Variants in NOTCH4 observed in about 807,000 individuals in gnomAD.
NOTCH4 encodes the protein neurogenic locus notch homolog protein 4.
In NOTCH4, 138 loss-of-function variants were observed where a neutral mutation model predicts 189.0. The observed-to-expected ratio is 0.73, with a 90% CI of 0.64 to 0.84. The LOEUF (loss-of-function observed/expected upper bound fraction) is 0.84. NOTCH4 is among the 40% of genes least tolerant of loss of function. The pLI is 0.00. For missense variants in NOTCH4, 2,286 were observed against 2,605.4 expected (o/e 0.88, Z 2.67); for synonymous variants, 942 against 1,032.8 (o/e 0.91, Z 1.69).
At chr6:32,213,936 C>G in intron 13 of NOTCH4, 96 bp from the exon 14 acceptor site, 1 of 1,500,468 alleles carries the variant, frequency 6.7e-7, no homozygotes, top group East Asian at 2.3e-5. Flanking sequence ...ATCCCCAACC[C>G]TATTATTCTT....
chr6:32,195,930 A>G lies in NOTCH4; in HGVS notation c.5519T>C (p.Phe1840Ser). The stretch of plus-strand genomic sequence containing the variant: ...TACTGACACCGTCCGTGCGCGCGGG[A>G]AGGGCCCAGCCTCGCGGCCCGGCGT... Reference protein sequence around the residue: ...KATPGREAGPFPRARTVSVSV... With the variant: ...KATPGREAGPSPRARTVSVSV... The change falls in exon 30 of 30, where the codon TTC becomes TCC. Residue 1840 changes from phenylalanine (F) to serine (S), a missense_variant. Phe to Ser is a radical substitution (Grantham distance 155). Transcript: ENST00000375023. This position sits in a 1 kb window ranked among gnomAD's most constrained non-coding sequence, Gnocchi z 5.4. The G allele has an allele frequency of 6.3e-7, 1 of 1,588,118 alleles. No homozygotes were observed. Among genetic ancestry groups the G allele is most frequent in the South Asian group, 1.1e-5 (1 of 89,656 alleles).
In NOTCH4 at chr6:32,202,674, G is replaced by C; in HGVS notation, c.3232-75C>G. 2.2e-6 allele frequency: 3 copies of C among 1,374,218 alleles called. No homozygotes were observed. The highest frequency in any genetic ancestry group is 2.7e-5 in the Admixed American group (1 of 36,704). 85.1% of individuals were successfully genotyped at this position (1,374,218 alleles called of 1,614,324 possible). A position where few individuals can be genotyped will look rare whatever the true frequency, so the allele number is the denominator to read the frequency against. On this transcript the variant is annotated intron_variant, in intron 20 of 29. Coordinates refer to ENST00000375023, the MANE Select transcript of NOTCH4 (RefSeq NM_004557.4). This position sits in a 1 kb window ranked among gnomAD's most constrained non-coding sequence, Gnocchi z 5.7. ...CGCTCTCCATCAAGCAAACTCTTGG[G>C]TTAAGACGGTGCAGAGGGTCCTAGA...
chr6:32,217,923 AT>A lies in NOTCH4; in HGVS notation c.1624+71del. 1.0e-6 allele frequency: 1 copy of A among 1,002,296 alleles called. No homozygotes were observed. The highest frequency in any genetic ancestry group is 1.4e-5 in the South Asian group (1 of 73,776). 62.1% of individuals were successfully genotyped at this position (1,002,296 alleles called of 1,614,324 possible). On this transcript the variant is annotated intron_variant, in intron 9 of 29. Coordinates refer to ENST00000375023, the MANE Select transcript of NOTCH4 (RefSeq NM_004557.4). This position sits in a 1 kb window ranked among gnomAD's most constrained non-coding sequence, Gnocchi z 4.2. ...AGAGAGCTTCAAGTGGCCTTGGGTG[AT>A]TGCTGAGCCTGAACTCTGCAGGTTC...
intron 2 of NOTCH4, 77 bp downstream of exon 2, chr6:32,222,928 C>G: frequency 6.5e-7 from 1 of 1,546,064 alleles, no homozygotes; most frequent in South Asian, 1.1e-5. Context: ...CTTCTTTGGT[C>G]TCACTTCCTC....
Position 32,196,125 on chromosome 6 carries a change from G to A in NOTCH4, c.5324C>T (p.Ala1775Val), listed in dbSNP as rs1219557258. 2 of 1,589,214 alleles carry A rather than the reference G, an allele frequency of 1.3e-6. No homozygotes were observed. Among genetic ancestry groups the A allele is most frequent in the Non-Finnish European group, 1.7e-6 (2 of 1,174,806 alleles). The change falls in exon 30 of 30, where the codon GCG (alanine) becomes GTG (valine). Residue 1775 changes from alanine (A) to valine (V), a missense_variant. By Grantham distance (64) the Ala-to-Val change is moderately conservative. This residue lies in a region of NOTCH4 where 383 missense variants were observed against 343.5 expected (regional missense o/e 1.11). Coordinates refer to ENST00000375023, the MANE Select transcript of NOTCH4 (RefSeq NM_004557.4). Reference protein sequence around the residue: ...NREQTPLFLAAREGAVEVAQL... With the variant: ...NREQTPLFLAVREGAVEVAQL... ...GGCTACTTCCACCGCTCCTTCCCGC[G>A]CCGCCAGGAATAGCGGCGTCTGCTC...
rs754054927 is a variant in NOTCH4, at chr6:32,197,070, A to T, written c.5055T>A (p.Leu1685=). 11 of 1,612,344 alleles carry T rather than the reference A, an allele frequency of 6.8e-6. No individual in the cohort carries two copies. Among genetic ancestry groups the T allele is most frequent in the Non-Finnish European group, 9.3e-6 (11 of 1,179,984 alleles). The change falls in exon 28 of 30, where the codon CTT becomes CTA. Residue 1685 remains leucine, a splice_region_variant and synonymous_variant. Coordinates refer to ENST00000375023, the MANE Select transcript of NOTCH4 (RefSeq NM_004557.4). ...VAADAREVCQ[L]LLRSRQTAVD... is the part of the protein sequence containing the mutation. ...CTGCAGTTTGTCTGCTACGGAGCAG[A>T]AGCTGGGGAGACAGAGGGCCAGTGA...
chr6:32,216,794 A>G lies in NOTCH4; in HGVS notation c.1861+151T>C, dbSNP rs929893661. 4.3e-5 allele frequency: 42 copies of G among 979,024 alleles called. No homozygotes were observed. The Admixed American group carries it at 4.7e-4, about 11-fold the overall frequency. 60.6% of individuals were successfully genotyped at this position (979,024 alleles called of 1,614,324 possible). On this transcript the variant is annotated intron_variant, in intron 11 of 29. Transcript: ENST00000375023. ...CTGCCCTTGTCCCCATGGTTGTACA[A>G]TTGTGCAGGTTTTACACTAAATAAC...
At position 32,201,553 on chromosome 6, in the gene NOTCH4, C is replaced by G. The variant is rs566354116; in HGVS notation, c.3756-53G>C. ...GACCTCCCTAAAACCTGACTCTTTTCTTCACCCTAGAAAGAATTCCCCATA... is the reference window on the plus strand; with the variant it reads ...GACCTCCCTAAAACCTGACTCTTTTGTTCACCCTAGAAAGAATTCCCCATA... On this transcript the variant is annotated intron_variant, in intron 21 of 29. Coordinates refer to ENST00000375023, the MANE Select transcript of NOTCH4 (RefSeq NM_004557.4). This position sits in a 1 kb window ranked among gnomAD's most constrained non-coding sequence, Gnocchi z 5.5. 2.8e-6 allele frequency: 4 copies of G among 1,426,054 alleles called. No homozygotes were observed. In the African/African-American group the frequency reaches 4.3e-5, roughly 15 times the overall value. 88.3% of individuals were successfully genotyped at this position (1,426,054 alleles called of 1,614,324 possible).
In NOTCH4 at chr6:32,195,959, T is replaced by C; in HGVS notation, c.5490A>G (p.Lys1830=). The C allele has an allele frequency of 6.3e-7, 1 of 1,595,842 alleles. No homozygotes were observed. Among genetic ancestry groups the C allele is most frequent in the East Asian group, 2.2e-5 (1 of 44,714 alleles). ...GCCCAGCCTCGCGGCCCGGCGTGGC[T>C]TTGTGACGGGCCTCTGGTGGCCCAG... ...EGAGPPEARH[K]ATPGREAGPF... is the part of the protein sequence containing the mutation. The change falls in exon 30 of 30, where the codon AAA becomes AAG. Residue 1830 remains lysine, a synonymous_variant. Coordinates refer to ENST00000375023, the MANE Select transcript of NOTCH4 (RefSeq NM_004557.4). The surrounding 1 kb of genome is among the most constrained non-coding windows in gnomAD (Gnocchi z 5.4).
intron 28 of NOTCH4, 80 bp from the exon 29 acceptor site, chr6:32,196,501 G>C: frequency 6.5e-7 from 1 of 1,547,734 alleles, no homozygotes; most frequent in Admixed American, 1.8e-5. Flanking sequence ...TTCTGGCCTT[G>C]GGGGAAGGGC....
rs755708470 is a variant in NOTCH4, at chr6:32,215,336, C to T, written c.1911G>A (p.Lys637=). The T allele has an allele frequency of 1.0e-4, 163 of 1,610,650 alleles. 1 individual carries two copies. The South Asian group carries it at 1.7e-3, about 17-fold the overall frequency. The change falls in exon 12 of 30, where the codon AAG becomes AAA. Residue 637 remains lysine (K), a synonymous_variant. Coordinates refer to ENST00000375023, the MANE Select transcript of NOTCH4 (RefSeq NM_004557.4). ...TGTCTTTCTGGTCCTTACATATCTG[C>T]TTGGGCTGGCACAGGTTGGGAGCAC... The part of the protein sequence containing the change: ...PLCAPNLCQP[K]QICKDQKDKA...
intron 12 of NOTCH4, among the ~76,000 whole-genome samples, 179 bp downstream of exon 12, chr6:32,215,044 TCTC>T (rs1354139398): frequency 6.6e-6 from 1 of 152,188 alleles, no homozygotes; most frequent in Non-Finnish European, 1.5e-5. Flanking sequence ...TGGACTCTCT[TCTC>T]CTTGGATAAC....
rs1444212911 is a variant in NOTCH4 at position 32,223,031 on chromosome 6, G to A, written c.129C>T (p.Ser43=). The change falls in exon 2 of 30, where the codon AGC becomes AGT. Residue 43 remains serine (S), a synonymous_variant. Coordinates refer to ENST00000375023, the MANE Select transcript of NOTCH4 (RefSeq NM_004557.4). ...EPCANGGTCL[S]LSLGQGTCQC... The stretch of plus-strand genomic sequence containing the variant: ...GGCAGGTCCCTTGTCCCAGAGACAG[G>A]CTCAGGCAGGTGCCTCCATTGGCAC... 3 of 1,613,688 alleles carry A rather than the reference G, an allele frequency of 1.9e-6. No homozygotes were observed. The highest frequency in any genetic ancestry group is 2.5e-6 in the Non-Finnish European group (3 of 1,179,870).
chr6:32,214,351 G>T, intron 12 of NOTCH4, 96 bp from the exon 13 acceptor site: 2 of 1,401,826 alleles, frequency 1.4e-6, no homozygotes, highest in Non-Finnish European at 2.0e-6. Flanking sequence ...TCTTCTTTTG[G>T]CCCTGAGATT....
At chr6:32,205,417 A>G (rs1788609306) in intron 18 of NOTCH4, among the ~76,000 whole-genome samples, 1 of 151,292 alleles carries the variant, frequency 6.6e-6, no homozygotes, top group South Asian at 2.1e-4. Flanking sequence ...GCATGGTGGC[A>G]TGTCCCTGTA....
Position 32,195,257 on chromosome 6 carries a change from C to A in NOTCH4, c.*180G>T. The A allele has an allele frequency of 1.6e-6, 1 of 633,114 alleles. No individual in the cohort carries two copies. The highest frequency in any genetic ancestry group is 2.7e-6 in the Non-Finnish European group (1 of 376,624). 39.2% of individuals were successfully genotyped at this position (633,114 alleles called of 1,614,324 possible). A position where few individuals can be genotyped will look rare whatever the true frequency, so the allele number is the denominator to read the frequency against. On this transcript the variant is annotated 3_prime_UTR_variant, in exon 30 of 30. Transcript: ENST00000375023. The surrounding 1 kb of genome is among the most constrained non-coding windows in gnomAD (Gnocchi z 5.4). ...CATCCTAGCATCTTAAACCCTCTTTCCAGAGCTGCAGCTTCTCCACGTGGA... is the reference window on the plus strand; with the variant it reads ...CATCCTAGCATCTTAAACCCTCTTTACAGAGCTGCAGCTTCTCCACGTGGA...
chr6:32,210,912 T>C lies in NOTCH4; in HGVS notation c.2705A>G (p.His902Arg). Residue 902 changes from histidine (H) to arginine (R), a missense_variant, in exon 18 of 30, where the codon CAC (histidine) becomes CGC (arginine). Physicochemically the swap from His to Arg is conservative, Grantham distance 29 (BLOSUM62 0). This residue lies in a region of NOTCH4 where 1,903 missense variants were observed against 2,261.9 expected (regional missense o/e 0.84). Coordinates refer to ENST00000375023, the MANE Select transcript of NOTCH4 (RefSeq NM_004557.4). The surrounding 1 kb of genome is among the most constrained non-coding windows in gnomAD (Gnocchi z 4.8). Reference sequence around the variant, plus strand: ...GCTGTCGACACAGAGGCCTCCATTGTGGCAAAGGGAAGAGACGTCTATGCC... The same window carrying C: ...GCTGTCGACACAGAGGCCTCCATTGCGGCAAAGGGAAGAGACGTCTATGCC... ...SQGIDVSSLCHNGGLCVDSGP... is the reference protein window; with the variant it reads ...SQGIDVSSLCRNGGLCVDSGP... 6.2e-7 allele frequency: 1 copy of C among 1,603,824 alleles called. No individual in the cohort carries two copies. The highest frequency in any genetic ancestry group is 8.5e-7 in the Non-Finnish European group (1 of 1,175,764).
In NOTCH4 at chr6:32,222,520, C is replaced by T. The variant is rs1789842464; in HGVS notation, c.442G>A (p.Gly148Arg). Residue 148 changes from glycine (G) to arginine (R), a missense_variant, in exon 3 of 30, where the codon GGA becomes AGA. This residue lies in a region of NOTCH4 where 1,903 missense variants were observed against 2,261.9 expected (regional missense o/e 0.84). Transcript: ENST00000375023. ...SGRPQCSCMP[G>R]WTGEQCQLRD... is the part of the protein sequence containing the mutation. ...CCCCAGCAGCGCTTACCTGTCCATC[C>T]AGGCATGCAGGAGCACTGTGGGCGG... 6.5e-7 allele frequency: 1 copy of T among 1,531,446 alleles called. No homozygotes were observed. The highest frequency in any genetic ancestry group is 1.4e-5 in the African/African-American group (1 of 71,710). 94.9% of individuals were successfully genotyped at this position (1,531,446 alleles called of 1,614,324 possible). A position where few individuals can be genotyped will look rare whatever the true frequency, so the allele number is the denominator to read the frequency against.
intron 6 of NOTCH4, 51 bp from the exon 7 acceptor site, chr6:32,220,335 G>T: frequency 6.2e-7 from 1 of 1,610,450 alleles, no homozygotes; most frequent in Non-Finnish European, 8.5e-7. Flanking sequence ...GAAGCTCCTA[G>T]CAGTCCTCCT....
Sources: gnomAD v4.1 joint callset for allele counts (sites outside exome capture counted in the v4.1 genomes callset) on GRCh38, gnomAD v4.1.1 for gene constraint, gnomAD v4.1.1 regional missense constraint, Gnocchi (gnomAD v3.1) non-coding constraint, MANE v1.5 for transcripts, NCBI Gene and HGNC (gene_info 2026-07-23, HGNC 2026-07-21) for gene names.